The following PRR33 variants were observed in gnomAD, a reference collection of about 807,000 sequenced individuals.
The protein encoded by PRR33 is proline-rich protein 33.
Under a neutral mutation model 0.5 loss-of-function variants are expected in PRR33, and 1 was observed. The ratio of observed to expected loss-of-function variants is 2.18; its 90% CI spans 0.77 to 10.34. The LOEUF is 10.34. Among genes scored for constraint, PRR33 ranks in the 30% most tolerant of loss-of-function variants. PRR33 has a pLI of 0.13. For synonymous variants in PRR33, 226 were observed against 110.0 expected, an observed-to-expected ratio of 2.06 and a Z score of -6.60; for missense variants, 552 against 251.8, an observed-to-expected ratio of 2.19 and a Z score of -8.07.
exon 1 of PRR33, chr11:1,890,900 T>A: frequency 2.8e-6 from 1 of 354,810 alleles, no homozygotes; most frequent in Non-Finnish European, 5.2e-6. Flanking sequence ...AGGCCCCAAG[T>A]ACACAGCCTG....
the PRR33 span, among the ~76,000 whole-genome samples, chr11:1,903,801 C>G: frequency 6.6e-6 from 1 of 152,152 alleles, no homozygotes; most frequent in Admixed American, 6.5e-5. Context: ...TTTTCCCTGC[C>G]TTAGTGTGCA....
chr11:1,896,344 T>C (rs1414612103), upstream of PRR33, among the ~76,000 whole-genome samples: 1 of 152,224 alleles, frequency 6.6e-6, no homozygotes, highest in Non-Finnish European at 1.5e-5. Flanking sequence ...TTTTACTCTT[T>C]CAATTTGGAG....
chr11:1,910,936 T>G, the PRR33 span, among the ~76,000 whole-genome samples: 1 of 152,230 alleles, frequency 6.6e-6, no homozygotes, highest in African/African-American at 2.4e-5. Context: ...TCTAATGGTG[T>G]CCTACCTTCT....
At chr11:1,898,915 C>T in the PRR33 span, among the ~76,000 whole-genome samples, 1 of 152,126 alleles carries the variant, frequency 6.6e-6, no homozygotes, top group East Asian at 1.9e-4. Context: ...GCAGGAGAAT[C>T]GCTTGAACCT....
the PRR33 span, among the ~76,000 whole-genome samples, chr11:1,911,528 C>T: frequency 6.6e-6 from 1 of 151,474 alleles, no homozygotes; most frequent in Non-Finnish European, 1.5e-5. Context: ...ATCGATTCTC[C>T]TACTTCAGCT....
the PRR33 span, among the ~76,000 whole-genome samples, chr11:1,914,586 G>A: frequency 6.8e-6 from 1 of 147,976 alleles, no homozygotes; most frequent in African/African-American, 2.5e-5. Context: ...GTTGCTCTGT[G>A]TGTGTGTGTG....
At chr11:1,889,691 C>G in exon 1 of PRR33, 1 of 638,042 alleles carries the variant, frequency 1.6e-6, no homozygotes, top group South Asian at 1.8e-5. Flanking sequence ...GGCCAGCCAT[C>G]GGGGGCTCCT....
exon 1 of PRR33, chr11:1,891,644 G>A (rs1335045163): frequency 1.3e-5 from 2 of 154,074 alleles, no homozygotes; most frequent in African/African-American, 2.4e-5. Flanking sequence ...GAGTGGGGGT[G>A]TGGGCAGGGC....
At chr11:1,889,320 C>G in exon 1 of PRR33, 1 of 709,048 alleles carries the variant, frequency 1.4e-6, no homozygotes, top group Non-Finnish European at 2.6e-6. Context: ...GTGCTCCCCA[C>G]CGCTGGGCCC....
the PRR33 span, among the ~76,000 whole-genome samples, chr11:1,909,923 G>T: frequency 4.9e-4 from 75 of 152,336 alleles, no homozygotes; most frequent in Non-Finnish European, 8.4e-4. Context: ...TGTATATCCA[G>T]GTGCAAGTGA....
At chr11:1,893,687 G>A (rs186268337), upstream of PRR33, among the ~76,000 whole-genome samples, 6 of 151,134 alleles carry the variant, frequency 4.0e-5, no homozygotes, top group East Asian at 7.9e-4. Flanking sequence ...TGGATGGATA[G>A]ATAGATAATG....
the PRR33 span, among the ~76,000 whole-genome samples, chr11:1,909,470 G>A: frequency 6.6e-6 from 1 of 152,170 alleles, no homozygotes; most frequent in Non-Finnish European, 1.5e-5. Context: ...AATTAGCCGG[G>A]CGTGGTGGCA....
the PRR33 span, among the ~76,000 whole-genome samples, chr11:1,902,478 G>C: frequency 6.6e-6 from 1 of 152,116 alleles, no homozygotes; most frequent in African/African-American, 2.4e-5. Flanking sequence ...ATAGTAACCA[G>C]GCCAAAAGCT....
chr11:1,890,102 G>T, exon 1 of PRR33: 1 of 716,732 alleles, frequency 1.4e-6, no homozygotes, highest in Non-Finnish European at 2.6e-6. Context: ...TGGGGGGCCG[G>T]GTAGGTTCTG....
chr11:1,901,737 G>A, the PRR33 span, among the ~76,000 whole-genome samples: 5 of 152,130 alleles, frequency 3.3e-5, no homozygotes, highest in African/African-American at 1.2e-4. Flanking sequence ...GCCCAGTGAA[G>A]ACAACATGGC....
the PRR33 span, among the ~76,000 whole-genome samples, chr11:1,903,688 C>T: frequency 1.3e-5 from 2 of 152,306 alleles, no homozygotes; most frequent in East Asian, 1.9e-4. Context: ...CACGTACGGA[C>T]ATACGAGCCA....
At chr11:1,913,988 C>T in the PRR33 span, among the ~76,000 whole-genome samples, 1 of 152,262 alleles carries the variant, frequency 6.6e-6, no homozygotes, top group Non-Finnish European at 1.5e-5. Context: ...CTGCTTGCCT[C>T]CTGTCCATTT....
At chr11:1,912,232 G>T in the PRR33 span, among the ~76,000 whole-genome samples, 1 of 151,774 alleles carries the variant, frequency 6.6e-6, no homozygotes, top group Non-Finnish European at 1.5e-5. Context: ...TAATGTAATT[G>T]AAAAAAATTC....
chr11:1,906,592 T>C, the PRR33 span, among the ~76,000 whole-genome samples: 3 of 152,224 alleles, frequency 2.0e-5, no homozygotes, highest in Non-Finnish European at 4.4e-5. Context: ...TTTGATCCTT[T>C]CAAGTATTAC....
Sources: gnomAD v4.1 joint callset for allele counts (sites outside exome capture counted in the v4.1 genomes callset) on GRCh38, gnomAD v4.1.1 for gene constraint, MANE v1.5 for transcripts, NCBI Gene and HGNC (gene_info 2026-07-23, HGNC 2026-07-21) for gene names.